The following SLC35F3 variants were observed in gnomAD, a reference collection of about 807,000 sequenced individuals.
The protein encoded by SLC35F3 is putative thiamine transporter SLC35F3.
SLC35F3 carries 25 observed loss-of-function variants against 49.9 expected under a neutral mutation model. The ratio of observed to expected loss-of-function variants is 0.50; its 90% confidence interval spans 0.37 to 0.70. The LOEUF is 0.70. Ranked by LOEUF, SLC35F3 falls within the 30% of genes least tolerant of loss-of-function variation. The probability of loss-of-function intolerance (pLI) is 0.00; values close to 1 mark genes in which losing one functional copy is unlikely to be tolerated. For synonymous variants in SLC35F3, 275 were observed against 265.4 expected, an observed-to-expected ratio of 1.04 and a Z score of -0.35; for missense variants, 525 against 639.8, an observed-to-expected ratio of 0.82 and a Z score of 1.94.
rs930651129 is a variant in SLC35F3 at position 234,231,797 on chromosome 1, T to C, written c.608+56T>C. The C allele has an allele frequency of 2.5e-4, 376 of 1,520,480 alleles. No individual in the cohort carries two copies. Among genetic ancestry groups the C allele is most frequent in the Non-Finnish European group, 3.3e-4 (364 of 1,117,816 alleles). 94.2% of individuals were successfully genotyped at this position (1,520,480 alleles called of 1,614,324 possible). On this transcript the variant is annotated intron_variant, in intron 3 of 7. Transcript: ENST00000366618. This position sits in a 1 kb window ranked among gnomAD's most constrained non-coding sequence, Gnocchi z 5.4. Reference sequence around the variant, plus strand: ...GACCCCGGGCTGCTCCATCCAGCGCTGACTCTGCAGAGCTGCCCCTGGTGG... The same window carrying C: ...GACCCCGGGCTGCTCCATCCAGCGCCGACTCTGCAGAGCTGCCCCTGGTGG...
intron 2 of SLC35F3, among the ~76,000 whole-genome samples, chr1:234,131,617 T>C (rs983604290): frequency 1.3e-5 from 2 of 152,236 alleles, no homozygotes; most frequent in Admixed American, 6.5e-5. Context: ...CTCACAGTTG[T>C]AGCGAGCAAG....
At chr1:234,232,535 A>AAAAAAAAAAG (rs1558268167) in intron 3 of SLC35F3, among the ~76,000 whole-genome samples, 3 of 144,818 alleles carry the variant, frequency 2.1e-5, no homozygotes, top group Non-Finnish European at 3.0e-5. Context: ...AAAAAAAAAA[A>AAAAAAAAAAG]AAAAAGAAAA....
chr1:233,946,863 A>G (rs1306139859), intron 2 of SLC35F3, among the ~76,000 whole-genome samples: 1 of 152,262 alleles, frequency 6.6e-6, no homozygotes, highest in East Asian at 1.9e-4. Context: ...TGCCTGGCAG[A>G]CAGGAATGTC....
intron 2 of SLC35F3, among the ~76,000 whole-genome samples, chr1:233,966,394 A>G (rs1662906635): frequency 6.6e-6 from 1 of 152,160 alleles, no homozygotes; most frequent in Non-Finnish European, 1.5e-5. Context: ...AGACACCCCC[A>G]GTGAGGCCCC....
chr1:234,318,607 G>A lies in SLC35F3; in HGVS notation c.955-144G>A, dbSNP rs1356878640. On this transcript the variant is annotated intron_variant, in intron 5 of 7. Transcript: ENST00000366618. The stretch of plus-strand genomic sequence containing the variant: ...TTGAATATGTGAGCAAATGAACACA[G>A]GCCAAACCCCATGGAATTCACCTGG... The A allele has an allele frequency of 4.4e-6, 3 of 688,618 alleles. No individual in the cohort carries two copies. In the African/African-American group the frequency reaches 5.4e-5, roughly 12 times the overall value. The allele number at this position is 688,618 out of a possible 1,614,324, so 42.7% of individuals were successfully genotyped here. A position where few individuals can be genotyped will look rare whatever the true frequency, so the allele number is the denominator to read the frequency against.
At chr1:234,217,143 G>A (rs1342041989) in intron 2 of SLC35F3, among the ~76,000 whole-genome samples, 1 of 152,206 alleles carries the variant, frequency 6.6e-6, no homozygotes, top group Non-Finnish European at 1.5e-5. Context: ...TACAGGGAGG[G>A]AATGCAGCCA....
chr1:234,148,517 T>C (rs1666028084), intron 2 of SLC35F3, among the ~76,000 whole-genome samples: 1 of 152,102 alleles, frequency 6.6e-6, no homozygotes. Flanking sequence ...AGGAGGAGAA[T>C]GGCATATCAC....
chr1:234,277,318 T>A (rs1020243284), intron 3 of SLC35F3, among the ~76,000 whole-genome samples: 1 of 152,102 alleles, frequency 6.6e-6, no homozygotes, highest in African/African-American at 2.4e-5. Context: ...ATGGTGTGGT[T>A]TGGAGGCTGC....
intron 2 of SLC35F3, among the ~76,000 whole-genome samples, chr1:234,124,173 G>C (rs1317573504): frequency 6.6e-6 from 1 of 152,218 alleles, no homozygotes; most frequent in Non-Finnish European, 1.5e-5. Flanking sequence ...GACGAATGAT[G>C]TAGTGTCAAT....
intron 2 of SLC35F3, among the ~76,000 whole-genome samples, chr1:234,018,396 GA>G (rs1189661889): frequency 6.6e-6 from 1 of 152,168 alleles, no homozygotes; most frequent in Non-Finnish European, 1.5e-5. Flanking sequence ...AGGAATACAG[GA>G]AACAGTAGGG....
intron 3 of SLC35F3, among the ~76,000 whole-genome samples, chr1:234,284,062 C>T (rs571804129): frequency 2.7e-4 from 41 of 152,220 alleles, no homozygotes; most frequent in Admixed American, 1.5e-3. Context: ...CACACCACCA[C>T]ACCTGACTAA....
chr1:234,268,632 G>A (rs1668046478), intron 3 of SLC35F3: 1 of 152,196 alleles, frequency 6.6e-6, no homozygotes, highest in Admixed American at 6.5e-5. Flanking sequence ...CAACCCAAAT[G>A]TTCCAACAGA....
chr1:234,224,190 A>G (rs547772659), intron 2 of SLC35F3, among the ~76,000 whole-genome samples: 5 of 152,202 alleles, frequency 3.3e-5, no homozygotes, highest in African/African-American at 1.2e-4. Flanking sequence ...TCAGCCTCCC[A>G]GGTAGCTGGG....
Position 233,931,365 on chromosome 1 carries a change from A to G in SLC35F3, c.283+25607A>G, listed in dbSNP as rs568391844. 1.8e-4 allele frequency among the ~76,000 whole-genome samples: 28 copies of G among 152,356 alleles called. 2 individuals are homozygous for G. The South Asian group carries it at 5.4e-3, about 29-fold the overall frequency. On this transcript the variant is annotated intron_variant, in intron 2 of 7. Coordinates refer to ENST00000366618, the MANE Select transcript of SLC35F3 (RefSeq NM_173508.4). ...GTGAACAGGCAACCTACAGAATGGGAGAAAATTTTTACAATCTATCCATCT... is the reference window on the plus strand; with the variant it reads ...GTGAACAGGCAACCTACAGAATGGGGGAAAATTTTTACAATCTATCCATCT...
chr1:233,905,492 C>G (rs967261375), intron 1 of SLC35F3, 37 bp from the exon 2 acceptor site: 2 of 1,495,560 alleles, frequency 1.3e-6, no homozygotes, highest in African/African-American at 2.8e-5. Context: ...CATGCTCCCC[C>G]TGCCCACCCA....
rs1664002467 is a variant in SLC35F3 at position 234,027,955 on chromosome 1, G to A, written c.283+122197G>A. On this transcript the variant is annotated intron_variant, in intron 2 of 7. Transcript: ENST00000366618. The surrounding 1 kb of genome is among the most constrained non-coding windows in gnomAD (Gnocchi z 4.1). Reference sequence around the variant, plus strand: ...TGATCAAAGGGGAAATTCAGGAGGGGAATCGATCGCACAGGAGTAAAGTAT... The same window carrying A: ...TGATCAAAGGGGAAATTCAGGAGGGAAATCGATCGCACAGGAGTAAAGTAT... 6.6e-6 allele frequency among the ~76,000 whole-genome samples: 1 copy of A among 152,150 alleles called. No individual in the cohort carries two copies. Among genetic ancestry groups the A allele is most frequent in the Non-Finnish European group, 1.5e-5 (1 of 68,030 alleles).
At chr1:233,931,619 C>T (rs1408215052) in intron 2 of SLC35F3, among the ~76,000 whole-genome samples, 2 of 152,116 alleles carry the variant, frequency 1.3e-5, no homozygotes, top group East Asian at 1.9e-4. Context: ...GTTAGAATGG[C>T]GGTCATTAAA....
chr1:234,073,733 T>C (rs1338299705), intron 2 of SLC35F3, among the ~76,000 whole-genome samples: 1 of 152,220 alleles, frequency 6.6e-6, no homozygotes, highest in Non-Finnish European at 1.5e-5. Flanking sequence ...AAAAATCCAG[T>C]ATAAACTGTG....
chr1:234,268,342 G>A (rs973406962), intron 3 of SLC35F3, among the ~76,000 whole-genome samples: 3 of 64,544 alleles, frequency 4.6e-5, no homozygotes, highest in African/African-American at 8.9e-5. Flanking sequence ...GCAATCGCAC[G>A]CACTCGGCAG....
Sources: allele counts gnomAD v4.1 joint callset (sites outside exome capture counted in the v4.1 genomes callset), GRCh38; gene constraint gnomAD v4.1.1; non-coding constraint Gnocchi (gnomAD v3.1); transcripts MANE v1.5; gene names NCBI Gene and HGNC (gene_info 2026-07-23, HGNC 2026-07-21).